MDN1: variants seen among roughly 807,000 people sequenced by gnomAD.
MDN1 encodes the protein midasin.
In MDN1, 266 loss-of-function variants were observed where a neutral mutation model predicts 669.2. That is an observed-to-expected ratio of 0.40 (90% CI 0.36 to 0.44). MDN1 has a LOEUF of 0.44. MDN1 is among the 20% of genes least tolerant of loss of function. The pLI is 1.00. For missense variants in MDN1, 5,940 were observed against 6,754.0 expected, an observed-to-expected ratio of 0.88 and a Z score of 4.22; for synonymous variants, 2,385 against 2,457.1, an observed-to-expected ratio of 0.97 and a Z score of 0.87.
chr6:89,658,583 C>A lies in MDN1; in HGVS notation c.15021+27G>T, dbSNP rs760538803. On this transcript the variant is annotated intron_variant, in intron 89 of 101. Coordinates refer to ENST00000369393, the MANE Select transcript of MDN1 (RefSeq NM_014611.3). ...TTCTCCTCTTCCTCATTATTTTTAACATAAAAAGCCAGACATCTCATGATA... is the reference window on the plus strand; with the variant it reads ...TTCTCCTCTTCCTCATTATTTTTAAAATAAAAAGCCAGACATCTCATGATA... 18 of 1,581,954 alleles carry A rather than the reference C, an allele frequency of 1.1e-5. No homozygotes were observed. In the Middle Eastern group the frequency reaches 5.1e-4, roughly 45 times the overall value.
rs568025221 is a variant in MDN1 at position 89,709,183 on chromosome 6, A to G, written c.7766-555T>C. Among the ~76,000 whole-genome samples, 467 of 152,288 alleles carry G rather than the reference A, an allele frequency of 3.1e-3. 2 individuals carry two copies. Among genetic ancestry groups the G allele is most frequent in the African/African-American group, 0.011 (444 of 41,548 alleles). ...CAGGAGGAGACTGACATTCTCCAGA[A>G]GTTGTGAAAACCCAAGGAAGGGAGG... On this transcript the variant is annotated intron_variant, in intron 50 of 101. Coordinates refer to ENST00000369393, the MANE Select transcript of MDN1 (RefSeq NM_014611.3).
At position 89,727,821 on chromosome 6, in the gene MDN1, CA is replaced by C. The variant is rs1326574134; in HGVS notation, c.5472+11del. 5 of 1,608,356 alleles carry C rather than the reference CA, an allele frequency of 3.1e-6. No individual in the cohort carries two copies. Among genetic ancestry groups the C allele is most frequent in the Non-Finnish European group, 4.2e-6 (5 of 1,176,800 alleles). ...TGATCACCGTCTTGGGCATGACAAA[CA>C]GGCCCCTCACCTCATCCAACACCAC... On this transcript the variant is annotated intron_variant, in intron 37 of 101. Transcript: ENST00000369393.
chr6:89,716,535 G>A (rs1416445209), intron 44 of MDN1, 115 bp downstream of exon 44: 2 of 1,180,226 alleles, frequency 1.7e-6, no homozygotes, highest in East Asian at 5.2e-5. Flanking sequence ...GAGGACGCTT[G>A]CGTAATTAAG....
chr6:89,786,840 G>A (rs1019766770), intron 8 of MDN1, among the ~76,000 whole-genome samples: 5 of 147,078 alleles, frequency 3.4e-5, no homozygotes, highest in Admixed American at 7.0e-5. Flanking sequence ...TAGGAGAATC[G>A]CTTGAACCCA....
At chr6:89,664,134 T>C (rs138666067) in intron 85 of MDN1, among the ~76,000 whole-genome samples, 11 of 152,306 alleles carry the variant, frequency 7.2e-5, no homozygotes, top group African/African-American at 2.6e-4. Context: ...ACCTACTATT[T>C]TTCTAATTAG....
chr6:89,819,629 G>A lies in MDN1; in HGVS notation c.-22C>T, dbSNP rs774297581. The stretch of plus-strand genomic sequence containing the variant: ...CCATGACCCAGGGCCCTCACCCCGA[G>A]CGGCCACCTGCGCTCCCTACTTCGC... On this transcript the variant is annotated 5_prime_UTR_variant, in exon 1 of 102. Transcript: ENST00000369393. The A allele has an allele frequency of 6.3e-7, 1 of 1,588,446 alleles. No individual in the cohort carries two copies. The highest frequency in any genetic ancestry group is 8.5e-7 in the Non-Finnish European group (1 of 1,169,724).
At chr6:89,733,647 T>C (rs978407188) in intron 33 of MDN1, among the ~76,000 whole-genome samples, 3 of 148,226 alleles carry the variant, frequency 2.0e-5, no homozygotes, top group African/African-American at 5.0e-5. Flanking sequence ...AAAAAAAAAC[T>C]CTTTAAAAAG....
chr6:89,819,276 G>A (rs1180848856), intron 1 of MDN1, among the ~76,000 whole-genome samples: 2 of 152,176 alleles, frequency 1.3e-5, no homozygotes, highest in African/African-American at 4.8e-5. Flanking sequence ...AGAGGCGATG[G>A]GAAGGGTACT....
In MDN1 at chr6:89,740,326, C is replaced by CCT; in HGVS notation, c.4499_4500dup (p.Asp1501ArgfsTer7). 2 of 1,599,496 alleles carry CCT rather than the reference C, an allele frequency of 1.3e-6. No individual in the cohort carries two copies. Among genetic ancestry groups the CCT allele is most frequent in the Non-Finnish European group, 1.7e-6 (2 of 1,176,168 alleles). ...AACAGCTCTATTTCACTATCCTTGT[C>CCT]CTCTGGACTGCCTTTTTCAGCTAAT... On this transcript the variant is annotated frameshift_variant, in exon 32 of 102. Transcript: ENST00000369393. LOFTEE classifies it high-confidence loss of function.
chr6:89,700,048 G>A lies in MDN1; in HGVS notation c.8870+15C>T, dbSNP rs536354903. The A allele has an allele frequency of 6.2e-7, 1 of 1,609,288 alleles. No homozygotes were observed. Among genetic ancestry groups the A allele is most frequent in the East Asian group, 2.2e-5 (1 of 44,848 alleles). On this transcript the variant is annotated intron_variant, in intron 57 of 101. Coordinates refer to ENST00000369393, the MANE Select transcript of MDN1 (RefSeq NM_014611.3). ...AAAAGTTCCCGCAAGGAAAACAACTGAAAGCATGGTTTACCTTCTGAGACA... is the reference window on the plus strand; with the variant it reads ...AAAAGTTCCCGCAAGGAAAACAACTAAAAGCATGGTTTACCTTCTGAGACA...
chr6:89,780,315 G>C (rs765470396), intron 10 of MDN1, 22 bp from the exon 11 acceptor site: 1 of 1,504,396 alleles, frequency 6.6e-7, no homozygotes, highest in East Asian at 2.4e-5. Flanking sequence ...AGAAAGAAAA[G>C]AAAAAACAAA....
rs1814558879 is a variant in MDN1 at position 89,718,374 on chromosome 6, C to A, written c.6575G>T (p.Cys2192Phe). Residue 2192 changes from cysteine to phenylalanine, a missense_variant, in exon 43 of 102, where the codon TGC becomes TTC. This residue lies in a region of MDN1 where 2,292 missense variants were observed against 2,638.3 expected (regional missense o/e 0.87). Coordinates refer to ENST00000369393, the MANE Select transcript of MDN1 (RefSeq NM_014611.3). ...GATCCAAATATACATACCTGCCTTG[C>A]AGTATGAGTTGATTTTATTGTTGAG... ...QRLNNKINSY[C>F]KAEFAKLVEE... The A allele has an allele frequency of 6.2e-7, 1 of 1,613,424 alleles. No homozygotes were observed. Among genetic ancestry groups the A allele is most frequent in the Non-Finnish European group, 8.5e-7 (1 of 1,179,882 alleles).
At chr6:89,758,786 A>T (rs761991527) in intron 18 of MDN1, 30 bp downstream of exon 18, 2 of 1,612,872 alleles carry the variant, frequency 1.2e-6, no homozygotes, top group Non-Finnish European at 1.7e-6. Flanking sequence ...GCTTGACACC[A>T]AGTCAAATCC....
intron 34 of MDN1, among the ~76,000 whole-genome samples, chr6:89,731,655 T>C (rs529996533): frequency 3.5e-4 from 53 of 152,212 alleles, no homozygotes; most frequent in African/African-American, 1.2e-3. Flanking sequence ...AAATACCTAA[T>C]GCATGAGGAG....
chr6:89,694,196 A>T lies in MDN1; in HGVS notation c.9772-13T>A. On this transcript the variant is annotated splice_polypyrimidine_tract_variant and intron_variant, in intron 61 of 101. Transcript: ENST00000369393. The stretch of plus-strand genomic sequence containing the variant: ...GCAGTTGGTGTAACTAATGGAAAAG[A>T]GAGAAGTTAGTCCACTGTGTCCCAG... 6.2e-7 allele frequency: 1 copy of T among 1,602,434 alleles called. No individual in the cohort carries two copies. The highest frequency in any genetic ancestry group is 1.7e-5 in the Admixed American group (1 of 60,002).
chr6:89,707,606 A>G, intron 51 of MDN1, 130 bp from the exon 52 acceptor site: 1 of 658,972 alleles, frequency 1.5e-6, no homozygotes, highest in Non-Finnish European at 2.7e-6. Flanking sequence ...GCCTCTGCAA[A>G]TCTTGGACTA....
chr6:89,807,998 G>C (rs938104913), intron 1 of MDN1, among the ~76,000 whole-genome samples: 7 of 151,776 alleles, frequency 4.6e-5, no homozygotes, highest in Non-Finnish European at 8.8e-5. Flanking sequence ...ATGTTTTTGA[G>C]AGTGACAGGA....
intron 9 of MDN1, among the ~76,000 whole-genome samples, chr6:89,784,106 G>A (rs564268205): frequency 6.6e-5 from 10 of 152,206 alleles, no homozygotes; most frequent in Admixed American, 6.5e-4. Context: ...CTGAGGTCAG[G>A]TGTTTTGAGA....
At chr6:89,654,515 A>G (rs1356741170) in intron 92 of MDN1, among the ~76,000 whole-genome samples, 181 bp from the exon 93 acceptor site, 1 of 152,146 alleles carries the variant, frequency 6.6e-6, no homozygotes, top group African/African-American at 2.4e-5. Flanking sequence ...TGACCTATTG[A>G]CATAATGAAC....
Sources: gnomAD v4.1 joint callset for allele counts (sites outside exome capture counted in the v4.1 genomes callset) on GRCh38, gnomAD v4.1.1 for gene constraint, gnomAD v4.1.1 regional missense constraint, MANE v1.5 for transcripts, NCBI Gene and HGNC (gene_info 2026-07-23, HGNC 2026-07-21) for gene names.